Variants in KCNJ12 observed in about 807,000 individuals in gnomAD.
The protein encoded by KCNJ12 is ATP-sensitive inward rectifier potassium channel 12.
KCNJ12 carries 2 observed loss-of-function variants against 22.3 expected under a neutral mutation model. The ratio of observed to expected loss-of-function variants is 0.09; its 90% CI spans 0.04 to 0.28. The LOEUF is 0.28. Ranked by LOEUF, KCNJ12 falls within the 10% of genes least tolerant of loss-of-function variation. The probability of loss-of-function intolerance (pLI) is 1.00; values close to 1 mark genes in which losing one functional copy is unlikely to be tolerated. For synonymous variants in KCNJ12, 117 were observed against 261.4 expected (o/e 0.45, Z 5.33); for missense variants, 155 against 633.3 (o/e 0.24, Z 8.11).
At chr17:21,392,821 C>T (rs868989502) in intron 1 of KCNJ12, among the ~76,000 whole-genome samples, 2 of 152,194 alleles carry the variant, frequency 1.3e-5, no homozygotes, top group Non-Finnish European at 2.9e-5. Flanking sequence ...GTGGGCAGCA[C>T]GGTCGGGGCA....
chr17:21,410,471 A>G (rs1906257642), intron 2 of KCNJ12, among the ~76,000 whole-genome samples: 2 of 152,200 alleles, frequency 1.3e-5, no homozygotes, highest in African/African-American at 4.8e-5. Flanking sequence ...TTGGGCGGGG[A>G]GGCGTGCGCC....
At chr17:21,392,550 C>G (rs946499343) in intron 1 of KCNJ12, among the ~76,000 whole-genome samples, 1 of 152,258 alleles carries the variant, frequency 6.6e-6, no homozygotes, top group Non-Finnish European at 1.5e-5. Context: ...AGGAGCCCCA[C>G]CAGGGCTGCA....
In KCNJ12 at chr17:21,412,792, G is replaced by A. The variant is rs1434512400; in HGVS notation, c.-56-2495G>A. Among the ~76,000 whole-genome samples, 8 of 152,292 alleles carry A rather than the reference G, an allele frequency of 5.3e-5. No individual in the cohort carries two copies. The East Asian group carries it at 5.8e-4, about 11-fold the overall frequency. On this transcript the variant is annotated intron_variant, in intron 2 of 2. Coordinates refer to ENST00000583088, the MANE Select transcript of KCNJ12 (RefSeq NM_021012.5). ...GGAAAGGCATCCCTGCAGAGCTTGGGGGCCCATGGTGGGGGACGGCGCTAG... is the reference window on the plus strand; with the variant it reads ...GGAAAGGCATCCCTGCAGAGCTTGGAGGCCCATGGTGGGGGACGGCGCTAG...
chr17:21,416,826 A>C lies in KCNJ12; in HGVS notation c.*182A>C. 1.8e-6 allele frequency: 2 copies of C among 1,113,960 alleles called. No individual in the cohort carries two copies. Among genetic ancestry groups the C allele is most frequent in the Non-Finnish European group, 2.5e-6 (2 of 796,140 alleles). The allele number at this position is 1,113,960 out of a possible 1,614,324, so 69.0% of individuals were successfully genotyped here. A position where few individuals can be genotyped will look rare whatever the true frequency, so the allele number is the denominator to read the frequency against. ...GTTTGGCCGGAGAGGGGGCAGCCAG[A>C]GCGGCAGCCCCCGGCCTCAGAGGCT... On this transcript the variant is annotated 3_prime_UTR_variant, in exon 3 of 3. Coordinates refer to ENST00000583088, the MANE Select transcript of KCNJ12 (RefSeq NM_021012.5).
chr17:21,397,939 T>A (rs1471694316), intron 1 of KCNJ12, among the ~76,000 whole-genome samples: 1 of 152,178 alleles, frequency 6.6e-6, no homozygotes, highest in Non-Finnish European at 1.5e-5. Flanking sequence ...AGCCTCTTTG[T>A]GCTCAGTGGT....
intron 2 of KCNJ12, among the ~76,000 whole-genome samples, chr17:21,412,051 C>T (rs1176998751): frequency 1.6e-3 from 244 of 152,004 alleles, no homozygotes; most frequent in African/African-American, 5.1e-3. Flanking sequence ...CACGCACACA[C>T]GGCAGAGCAG....
chr17:21,389,655 G>T (rs1416457814), intron 1 of KCNJ12, among the ~76,000 whole-genome samples: 1 of 152,170 alleles, frequency 6.6e-6, no homozygotes, highest in Non-Finnish European at 1.5e-5. Flanking sequence ...GCAGAGGGTG[G>T]GGGTGTGGTG....
In KCNJ12 at chr17:21,418,275, A is replaced by T. The variant is rs1906958785; in HGVS notation, c.*1631A>T. On this transcript the variant is annotated 3_prime_UTR_variant, in exon 3 of 3. Transcript: ENST00000583088. The stretch of plus-strand genomic sequence containing the variant: ...TCAGAAAGGATGTGTCTCCTGCTCC[A>T]ACTCTGCCCCCGAGACAGCTCAGAG... The T allele has an allele frequency of 6.0e-6, 1 of 166,812 alleles. No homozygotes were observed. The highest frequency in any genetic ancestry group is 2.4e-5 in the African/African-American group (1 of 41,230). The allele number at this position is 166,812 out of a possible 1,614,324, so 10.3% of individuals were successfully genotyped here. A position where few individuals can be genotyped will look rare whatever the true frequency, so the allele number is the denominator to read the frequency against.
chr17:21,387,364 C>T (rs1445912795), intron 1 of KCNJ12, among the ~76,000 whole-genome samples: 3 of 148,576 alleles, frequency 2.0e-5, no homozygotes, highest in African/African-American at 7.6e-5. Flanking sequence ...ATGGCGTGAA[C>T]CTGGGAGGCG....
At chr17:21,382,169 C>T (rs1904890962) in intron 1 of KCNJ12, among the ~76,000 whole-genome samples, 2 of 152,234 alleles carry the variant, frequency 1.3e-5, no homozygotes, top group African/African-American at 2.4e-5. Context: ...TCTGTACCCT[C>T]ACTGCTTCAA....
intron 1 of KCNJ12, among the ~76,000 whole-genome samples, chr17:21,392,504 CACT>C (rs1398690765): frequency 1.3e-5 from 2 of 151,966 alleles, no homozygotes; most frequent in Non-Finnish European, 2.9e-5. Context: ...AGCTGGTCCC[CACT>C]ACTTAATCAT....
Position 21,377,562 on chromosome 17 carries a change from G to A in KCNJ12, c.-179+649G>A, listed in dbSNP as rs529776302. ...TGGCCGCTGGCTGAGAAGCTCCCAG[G>A]GTTTCAGGGCCAGGGTCCACCCTGC... On this transcript the variant is annotated intron_variant, in intron 1 of 2. Coordinates refer to ENST00000583088, the MANE Select transcript of KCNJ12 (RefSeq NM_021012.5). Among the ~76,000 whole-genome samples, 4 of 152,260 alleles carry A rather than the reference G, an allele frequency of 2.6e-5. No homozygotes were observed. In the East Asian group the frequency reaches 7.7e-4, roughly 29 times the overall value.
chr17:21,387,976 T>C (rs1174809780), intron 1 of KCNJ12, among the ~76,000 whole-genome samples: 3 of 152,048 alleles, frequency 2.0e-5, no homozygotes, highest in African/African-American at 4.8e-5. Flanking sequence ...CTGGGTCCCT[T>C]CCTTCCACTC....
chr17:21,398,378 G>A (rs1192468149), intron 1 of KCNJ12, among the ~76,000 whole-genome samples: 2 of 152,184 alleles, frequency 1.3e-5, no homozygotes, highest in Non-Finnish European at 2.9e-5. Flanking sequence ...TTCTGCATGT[G>A]CAGCCGAGGG....
At position 21,417,142 on chromosome 17, in the gene KCNJ12, A is replaced by G. The variant is rs1906892046; in HGVS notation, c.*498A>G. 1.2e-5 allele frequency: 2 copies of G among 172,384 alleles called. No homozygotes were observed. The highest frequency in any genetic ancestry group is 4.8e-5 in the African/African-American group (2 of 41,546). 10.7% of individuals were successfully genotyped at this position (172,384 alleles called of 1,614,324 possible). A position where few individuals can be genotyped will look rare whatever the true frequency, so the allele number is the denominator to read the frequency against. On this transcript the variant is annotated 3_prime_UTR_variant, in exon 3 of 3. Coordinates refer to ENST00000583088, the MANE Select transcript of KCNJ12 (RefSeq NM_021012.5). ...TTTTTAATTCACAGGGGGCAAAAAGAACAATTAGAATTCCATGGGTCTGCC... is the reference window on the plus strand; with the variant it reads ...TTTTTAATTCACAGGGGGCAAAAAGGACAATTAGAATTCCATGGGTCTGCC...
chr17:21,385,299 C>G (rs541292603), intron 1 of KCNJ12, among the ~76,000 whole-genome samples: 1 of 152,312 alleles, frequency 6.6e-6, no homozygotes, highest in East Asian at 1.9e-4. Context: ...ACCTGGTGCC[C>G]TTCTTTTATG....
At chr17:21,408,275 A>G (rs1173090028) in intron 1 of KCNJ12, among the ~76,000 whole-genome samples, 8 of 152,280 alleles carry the variant, frequency 5.3e-5, no homozygotes, top group South Asian at 2.1e-4. Context: ...TAGGCACTCA[A>G]TAATTGTCAG....
chr17:21,388,273 C>T lies in KCNJ12; in HGVS notation c.-179+11360C>T, dbSNP rs148108277. 7.0e-3 allele frequency among the ~76,000 whole-genome samples: 1,071 copies of T among 152,252 alleles called. 11 individuals carry two copies. Among genetic ancestry groups the T allele is most frequent in the African/African-American group, 0.025 (1,024 of 41,548 alleles). ...TGGCTCACCCAGGGATGGGGAGCAG[C>T]GGCCTCGCTTCAGACGCCTGAGCGG... is the stretch of plus-strand genomic sequence containing the variant. On this transcript the variant is annotated intron_variant, in intron 1 of 2. Coordinates refer to ENST00000583088, the MANE Select transcript of KCNJ12 (RefSeq NM_021012.5).
At chr17:21,385,459 G>A (rs939428376) in intron 1 of KCNJ12, among the ~76,000 whole-genome samples, 6 of 152,144 alleles carry the variant, frequency 3.9e-5, no homozygotes, top group Non-Finnish European at 8.8e-5. Context: ...GTGGCCGGAG[G>A]CTCGGCCCTG....
Sources: allele counts gnomAD v4.1 joint callset (sites outside exome capture counted in the v4.1 genomes callset), GRCh38; gene constraint gnomAD v4.1.1; transcripts MANE v1.5; gene names NCBI Gene and HGNC (gene_info 2026-07-23, HGNC 2026-07-21).